Variants in SCAPER observed in about 807,000 individuals in gnomAD.
The protein encoded by SCAPER is S phase cyclin A-associated protein in the endoplasmic reticulum.
In SCAPER, 98 loss-of-function variants were observed where a neutral mutation model predicts 182.2. The ratio of observed to expected loss-of-function variants is 0.54; its 90% CI spans 0.46 to 0.64. The LOEUF (loss-of-function observed/expected upper bound fraction) is 0.64. SCAPER is among the 30% of genes least tolerant of loss of function. The pLI is 0.00. For synonymous variants in SCAPER, 605 were observed against 564.6 expected, an observed-to-expected ratio of 1.07 and a Z score of -1.01; for missense variants, 1,432 against 1,690.0, an observed-to-expected ratio of 0.85 and a Z score of 2.68.
At chr15:76,558,559 C>T (rs2046358178) in intron 23 of SCAPER, among the ~76,000 whole-genome samples, 1 of 152,092 alleles carries the variant, frequency 6.6e-6, no homozygotes, top group East Asian at 1.9e-4. Flanking sequence ...AAAGGGATTG[C>T]TTATATACTG....
chr15:76,745,321 T>C (rs1191864811), intron 15 of SCAPER, among the ~76,000 whole-genome samples: 3 of 152,042 alleles, frequency 2.0e-5, no homozygotes, highest in African/African-American at 4.8e-5. Context: ...TGGTGGCGTG[T>C]GCTTGTAATC....
intron 5 of SCAPER, among the ~76,000 whole-genome samples, chr15:76,814,479 T>G (rs1248449653): frequency 2.6e-5 from 4 of 152,136 alleles, no homozygotes; most frequent in South Asian, 2.1e-4. Flanking sequence ...TGTGGTCAAC[T>G]AATTTTCAAC....
At chr15:76,787,202 AG>A (rs1359658419) in intron 8 of SCAPER, among the ~76,000 whole-genome samples, 1 of 152,210 alleles carries the variant, frequency 6.6e-6, no homozygotes, top group African/African-American at 2.4e-5. Context: ...GAAAAAGAAA[AG>A]AAGCAATCAC....
At chr15:76,842,543 G>A (rs1374515833) in intron 4 of SCAPER, among the ~76,000 whole-genome samples, 7 of 152,150 alleles carry the variant, frequency 4.6e-5, no homozygotes, top group African/African-American at 1.7e-4. Flanking sequence ...CCGCAACCAT[G>A]CTGAACTGTG....
At position 76,672,855 on chromosome 15, in the gene SCAPER, T is replaced by A. The variant is rs555001937; in HGVS notation, c.2509-7066A>T. On this transcript the variant is annotated intron_variant, in intron 20 of 31. Transcript: ENST00000563290. Reference sequence around the variant, plus strand: ...GCTAAGATCAAGTGAAGAATATAAATACTGAAAGAGTACACAATACACTCG... The same window carrying A: ...GCTAAGATCAAGTGAAGAATATAAAAACTGAAAGAGTACACAATACACTCG... Among the ~76,000 whole-genome samples the A allele has an allele frequency of 3.3e-5, 5 of 152,126 alleles. 1 individual carries two copies. The highest frequency in any genetic ancestry group is 1.2e-4 in the African/African-American group (5 of 41,526).
rs2042557680 is a variant in SCAPER at position 76,376,262 on chromosome 15, C to T, written c.3755G>A (p.Ser1252Asn). Residue 1252 changes from serine to asparagine, a missense_variant, in exon 29 of 32, where the codon AGC (serine) becomes AAC (asparagine). Ser to Asn is a conservative substitution (Grantham distance 46). This residue lies in a region of SCAPER where 718 missense variants were observed against 799.7 expected (regional missense o/e 0.90). Transcript: ENST00000563290. ...TTGGCTGCAGTGGCCCAGCAGGGAG[C>T]TGGCCATGTGCCGGAATGCAAGGGA... ...GLSLAFRHMA[S>N]SLLGHCSQVS... The T allele has an allele frequency of 1.2e-6, 2 of 1,613,960 alleles. No individual in the cohort carries two copies. The highest frequency in any genetic ancestry group is 8.5e-7 in the Non-Finnish European group (1 of 1,179,850).
rs1427542708 is a variant in SCAPER at position 76,733,316 on chromosome 15, CA to C, written c.1934del (p.Leu645Ter). On this transcript the variant is annotated frameshift_variant, in exon 16 of 32. Coordinates refer to ENST00000563290, the MANE Select transcript of SCAPER (RefSeq NM_020843.4). LOFTEE classifies it high-confidence loss of function. ...QNKRHDVLSKLKEYEQRLNEL... is the reference protein window; with the variant it reads ...QNKRHDVLSKXKEYEQRLNEL... ...CATTAAGCCTCTGTTCATATTCCTT[CA>C]ATTTTGATAAAACATCATGACGTTT... is the stretch of plus-strand genomic sequence containing the variant. 1.2e-6 allele frequency: 2 copies of C among 1,613,332 alleles called. No homozygotes were observed. The highest frequency in any genetic ancestry group is 1.7e-6 in the Non-Finnish European group (2 of 1,179,606).
At chr15:76,363,682 G>T (rs1358452469) in intron 29 of SCAPER, among the ~76,000 whole-genome samples, 1 of 152,010 alleles carries the variant, frequency 6.6e-6, no homozygotes, top group Admixed American at 6.5e-5. Context: ...CCTTAACAGG[G>T]GCAAAAATAG....
intron 24 of SCAPER, among the ~76,000 whole-genome samples, chr15:76,478,005 T>C (rs2050797575): frequency 6.6e-6 from 1 of 152,002 alleles, no homozygotes; most frequent in African/African-American, 2.4e-5. Flanking sequence ...CTGCCAAACT[T>C]TTCCTTTAGG....
intron 28 of SCAPER, chr15:76,379,600 T>C (rs2042801818): frequency 6.6e-6 from 1 of 152,152 alleles, no homozygotes; most frequent in Non-Finnish European, 1.5e-5. Context: ...AAGATGGATA[T>C]AGCAAGGATC....
chr15:76,724,572 G>A (rs891950646), intron 17 of SCAPER, among the ~76,000 whole-genome samples: 4 of 152,114 alleles, frequency 2.6e-5, no homozygotes, highest in Admixed American at 6.5e-5. Flanking sequence ...CCAATGAGAC[G>A]TAGATTTGGT....
intron 21 of SCAPER, among the ~76,000 whole-genome samples, chr15:76,663,577 C>A (rs2056354743): frequency 6.6e-6 from 1 of 150,950 alleles, no homozygotes; most frequent in African/African-American, 2.4e-5. Context: ...ACCTCAAAAA[C>A]AGTATAATCA....
chr15:76,750,563 T>C (rs1055394106), intron 15 of SCAPER, among the ~76,000 whole-genome samples: 2 of 151,962 alleles, frequency 1.3e-5, no homozygotes, highest in Non-Finnish European at 2.9e-5. Context: ...AAAAGGATTA[T>C]ACACCATGAC....
intron 5 of SCAPER, among the ~76,000 whole-genome samples, chr15:76,838,618 A>G (rs1010178804): frequency 6.6e-6 from 1 of 152,210 alleles, no homozygotes; most frequent in Non-Finnish European, 1.5e-5. Context: ...CTACTGTGCT[A>G]CAAAATCTCT....
intron 23 of SCAPER, among the ~76,000 whole-genome samples, chr15:76,534,672 T>C (rs2043979160): frequency 6.6e-6 from 1 of 152,204 alleles, no homozygotes; most frequent in South Asian, 2.1e-4. Context: ...ATAATTGCTA[T>C]TGCTCCTTGG....
chr15:76,700,440 A>C (rs1327728877), intron 20 of SCAPER, among the ~76,000 whole-genome samples: 1 of 151,918 alleles, frequency 6.6e-6, no homozygotes, highest in African/African-American at 2.4e-5. Context: ...AGAGTGGACC[A>C]CTCCTTGCTT....
At chr15:76,350,234 T>C (rs1310533688) in intron 31 of SCAPER, 1 of 152,130 alleles carries the variant, frequency 6.6e-6, no homozygotes, top group Non-Finnish European at 1.5e-5. Context: ...AAAAGTTGCA[T>C]AGCTTTCTGT....
chr15:76,637,742 A>ATATATATATATG (rs1414519401), intron 21 of SCAPER, among the ~76,000 whole-genome samples: 2 of 105,816 alleles, frequency 1.9e-5, no homozygotes, highest in African/African-American at 3.8e-5. Flanking sequence ...ATATATATAT[A>ATATATATATATG]TGTGTGTGTG....
At chr15:76,424,929 A>C (rs958716681) in intron 26 of SCAPER, among the ~76,000 whole-genome samples, 1 of 152,120 alleles carries the variant, frequency 6.6e-6, no homozygotes, top group Non-Finnish European at 1.5e-5. Context: ...TTTCTTTAAG[A>C]ATGTTGAATA....
Sources: allele counts gnomAD v4.1 joint callset (sites outside exome capture counted in the v4.1 genomes callset), GRCh38; gene constraint gnomAD v4.1.1; regional missense constraint gnomAD v4.1.1; transcripts MANE v1.5; gene names NCBI Gene and HGNC (gene_info 2026-07-23, HGNC 2026-07-21).